STK32B: variants seen among roughly 807,000 people sequenced by gnomAD.
STK32B encodes serine/threonine kinase 32B.
STK32B carries 43 observed loss-of-function variants against 52.6 expected under a neutral mutation model. That is an observed-to-expected ratio of 0.82 (90% CI 0.64 to 1.05). The LOEUF (loss-of-function observed/expected upper bound fraction) is 1.05. STK32B is among the 50% of genes least tolerant of loss of function. The pLI is 0.00. For synonymous variants in STK32B, 238 were observed against 204.3 expected (o/e 1.17, Z -1.41); for missense variants, 621 against 534.6 (o/e 1.16, Z -1.59).
intron 3 of STK32B, among the ~76,000 whole-genome samples, chr4:5,294,199 T>C (rs1480530477): frequency 6.6e-6 from 1 of 152,214 alleles, no homozygotes; most frequent in African/African-American, 2.4e-5. Context: ...AGCCTTGTAG[T>C]ATAGTTTGAA....
At chr4:5,150,960 C>G (rs534167234) in intron 2 of STK32B, among the ~76,000 whole-genome samples, 1 of 152,166 alleles carries the variant, frequency 6.6e-6, no homozygotes, top group Non-Finnish European at 1.5e-5. Context: ...ACTTTCCCCC[C>G]ATGTCATTGA....
intron 2 of STK32B, among the ~76,000 whole-genome samples, chr4:5,147,113 G>A (rs1303527230): frequency 1.3e-5 from 2 of 152,028 alleles, no homozygotes; most frequent in African/African-American, 4.8e-5. Context: ...GTCATTTTTA[G>A]GGTAGAGGCT....
intron 3 of STK32B, among the ~76,000 whole-genome samples, chr4:5,282,131 A>T (rs1728239500): frequency 6.6e-6 from 1 of 152,190 alleles, no homozygotes; most frequent in African/African-American, 2.4e-5. Context: ...TCTCTTAGTT[A>T]GTATAAAGTA....
At position 5,063,009 on chromosome 4, in the gene STK32B, G is replaced by A. The variant is rs76207633; in HGVS notation, c.52+11094G>A. Reference sequence around the variant, plus strand: ...TTTTTCTTCGGACACTGATTGCACTGTACTGCTTCTAGTTTTTTACTATTG... The same window carrying A: ...TTTTTCTTCGGACACTGATTGCACTATACTGCTTCTAGTTTTTTACTATTG... On this transcript the variant is annotated intron_variant, in intron 1 of 11. Transcript: ENST00000282908. Among the ~76,000 whole-genome samples the A allele has an allele frequency of 8.9e-4, 135 of 152,202 alleles. 3 individuals carry two copies. In the East Asian group the frequency reaches 0.023, roughly 26 times the overall value.
At chr4:5,135,142 T>C (rs1422597834) in intron 1 of STK32B, among the ~76,000 whole-genome samples, 1 of 152,240 alleles carries the variant, frequency 6.6e-6, no homozygotes, top group East Asian at 1.9e-4. Flanking sequence ...CAGTGTTGTA[T>C]CACAAGGGTG....
At chr4:5,316,350 CATATATTAT>C (rs568649995) in intron 3 of STK32B, among the ~76,000 whole-genome samples, 519 of 26,044 alleles carry the variant, frequency 0.02, 29 homozygotes, top group African/African-American at 0.085. Context: ...TATATTATAT[CATATATTAT>C]ATATATTATA....
chr4:5,439,080 T>C (rs1459300136), intron 6 of STK32B, among the ~76,000 whole-genome samples: 2 of 149,684 alleles, frequency 1.3e-5, no homozygotes, highest in Admixed American at 6.7e-5. Flanking sequence ...CATGTGTCTT[T>C]ATAGCAGCAT....
At chr4:5,438,419 A>G (rs1242548071) in intron 6 of STK32B, among the ~76,000 whole-genome samples, 2 of 152,206 alleles carry the variant, frequency 1.3e-5, no homozygotes, top group East Asian at 3.9e-4. Flanking sequence ...ACCGATAGGA[A>G]GAGGCAGACA....
At chr4:5,424,691 G>C (rs186230330) in intron 6 of STK32B, among the ~76,000 whole-genome samples, 2 of 152,352 alleles carry the variant, frequency 1.3e-5, no homozygotes, top group East Asian at 1.9e-4. Context: ...TTACCCTCCA[G>C]TTGTCCATGT....
At chr4:5,296,099 T>G (rs1235964284) in intron 3 of STK32B, among the ~76,000 whole-genome samples, 1 of 152,234 alleles carries the variant, frequency 6.6e-6, no homozygotes, top group East Asian at 1.9e-4. Flanking sequence ...AATCTGGAGT[T>G]CTAATTTGAT....
At chr4:5,187,547 G>A (rs1720838253) in intron 3 of STK32B, among the ~76,000 whole-genome samples, 1 of 149,638 alleles carries the variant, frequency 6.7e-6, no homozygotes, top group African/African-American at 2.5e-5. Flanking sequence ...AAAAGCAATG[G>A]TGTGCTGGTA....
chr4:5,347,802 T>A (rs1048672505), intron 4 of STK32B, among the ~76,000 whole-genome samples: 19 of 152,224 alleles, frequency 1.2e-4, no homozygotes, highest in Non-Finnish European at 2.4e-4. Context: ...CTCTTTCTCC[T>A]GTTCTGCCAT....
chr4:5,283,197 C>T (rs1035599072), intron 3 of STK32B, among the ~76,000 whole-genome samples: 1 of 151,994 alleles, frequency 6.6e-6, no homozygotes, highest in African/African-American at 2.4e-5. Flanking sequence ...TGGCTTATTT[C>T]GCTGAGCATA....
intron 1 of STK32B, among the ~76,000 whole-genome samples, chr4:5,112,731 T>C (rs1714472652): frequency 6.6e-6 from 1 of 152,114 alleles, no homozygotes; most frequent in Non-Finnish European, 1.5e-5. Context: ...ACAAGAAAGC[T>C]TCTCTGTGGA....
At chr4:5,022,260 G>A in the STK32B span, among the ~76,000 whole-genome samples, 2 of 152,266 alleles carry the variant, frequency 1.3e-5, no homozygotes, top group Admixed American at 6.5e-5. Context: ...CACCCAGCAC[G>A]CAGCCAGGTA....
At chr4:5,343,214 C>A (rs1253979136) in intron 4 of STK32B, among the ~76,000 whole-genome samples, 2 of 150,908 alleles carry the variant, frequency 1.3e-5, no homozygotes, top group African/African-American at 4.9e-5. Context: ...GTTTTTTGTC[C>A]TTGCAATAGT....
chr4:5,265,739 T>C (rs1727018208), intron 3 of STK32B, among the ~76,000 whole-genome samples: 1 of 152,244 alleles, frequency 6.6e-6, no homozygotes, highest in South Asian at 2.1e-4. Context: ...CTCCCTGTCA[T>C]TTTAGTCTTT....
chr4:5,281,371 C>A (rs561056972), intron 3 of STK32B, among the ~76,000 whole-genome samples: 2 of 152,174 alleles, frequency 1.3e-5, no homozygotes, highest in South Asian at 2.1e-4. Flanking sequence ...TGTTCTCACT[C>A]GTAAGTGGTA....
At chr4:5,376,947 C>G (rs1231994262) in intron 4 of STK32B, among the ~76,000 whole-genome samples, 2 of 152,112 alleles carry the variant, frequency 1.3e-5, no homozygotes, top group Admixed American at 1.3e-4. Context: ...GGGCCTCTGC[C>G]CCTGCTTCAA....
Sources: gnomAD v4.1 joint callset for allele counts (sites outside exome capture counted in the v4.1 genomes callset) on GRCh38, gnomAD v4.1.1 for gene constraint, MANE v1.5 for transcripts, NCBI Gene and HGNC (gene_info 2026-07-23, HGNC 2026-07-21) for gene names.